Variants in SRPRA observed in about 807,000 individuals in gnomAD.
SRPRA encodes signal recognition particle receptor subunit alpha.
Under a neutral mutation model 61.1 loss-of-function variants are expected in SRPRA, and 30 were observed. The ratio of observed to expected loss-of-function variants is 0.49; its 90% confidence interval spans 0.37 to 0.67. The LOEUF is 0.67. Ranked by LOEUF, SRPRA falls within the 30% of genes least tolerant of loss-of-function variation. The pLI is 0.00. For synonymous variants in SRPRA, 324 were observed against 299.7 expected (o/e 1.08, Z -0.84); for missense variants, 759 against 828.4 (o/e 0.92, Z 1.03).
Position 126,265,345 on chromosome 11 carries a change from C to A in SRPRA, c.1234G>T (p.Ala412Ser). Reference protein sequence around the residue: ...RVDMLRDIMDAQRRQRPYVVT... With the variant: ...RVDMLRDIMDSQRRQRPYVVT... ...ACATAAGGGCGCTGGCGACGCTGGG[C>A]ATCCATGATGTCCCGGAGCATGTCT... Residue 412 changes from alanine (A) to serine (S), a missense_variant, in exon 10 of 14, where the codon GCC becomes TCC. By Grantham distance (99) the Ala-to-Ser change is moderately conservative (BLOSUM62 1). Coordinates refer to ENST00000332118, the MANE Select transcript of SRPRA (RefSeq NM_003139.4). This position sits in a 1 kb window ranked among gnomAD's most constrained non-coding sequence, Gnocchi z 6.3. The A allele has an allele frequency of 6.8e-6, 11 of 1,613,502 alleles. No homozygotes were observed. The highest frequency in any genetic ancestry group is 9.3e-6 in the Non-Finnish European group (11 of 1,179,894).
At chr11:126,252,928 G>C in the SRPRA span, among the ~76,000 whole-genome samples, 1 of 152,124 alleles carries the variant, frequency 6.6e-6, no homozygotes, top group African/African-American at 2.4e-5. This position sits in a 1 kb window ranked among gnomAD's most constrained non-coding sequence, Gnocchi z 4.7. Context: ...CCAGTTACTT[G>C]GGAGGCTGAG....
chr11:126,264,559 A>C lies in SRPRA; in HGVS notation c.1526-20T>G. 6.2e-7 allele frequency: 1 copy of C among 1,611,216 alleles called. No homozygotes were observed. The highest frequency in any genetic ancestry group is 8.5e-7 in the Non-Finnish European group (1 of 1,179,530). On this transcript the variant is annotated intron_variant, in intron 11 of 13. Coordinates refer to ENST00000332118, the MANE Select transcript of SRPRA (RefSeq NM_003139.4). The surrounding 1 kb of genome is among the most constrained non-coding windows in gnomAD (Gnocchi z 5.0). ...TACGTGCTAGAGAAAGAAAGTAGTCAACTCTGAACACCTGGACTACCACTC... is the reference window on the plus strand; with the variant it reads ...TACGTGCTAGAGAAAGAAAGTAGTCCACTCTGAACACCTGGACTACCACTC...
intron 7 of SRPRA, 45 bp downstream of exon 7, chr11:126,266,142 A>G (rs773103438): frequency 6.2e-7 from 1 of 1,612,728 alleles, no homozygotes; most frequent in East Asian, 2.2e-5. Flanking sequence ...GTATCTTACC[A>G]GTTTTGCAGA....
intron 6 of SRPRA, 43 bp downstream of exon 6, chr11:126,266,433 C>T: frequency 6.2e-7 from 1 of 1,603,906 alleles, no homozygotes; most frequent in Non-Finnish European, 8.5e-7. Flanking sequence ...TACTTCCTCC[C>T]AATTTGTTGT....
chr11:126,260,299 C>G (rs1336628461), downstream of SRPRA: 2 of 152,120 alleles, frequency 1.3e-5, no homozygotes, highest in African/African-American at 2.4e-5. Flanking sequence ...TCCCAAAGTT[C>G]TGGGATTATA....
the SRPRA span, among the ~76,000 whole-genome samples, chr11:126,255,662 C>A: frequency 6.6e-6 from 1 of 152,254 alleles, no homozygotes; most frequent in Admixed American, 6.5e-5. The surrounding 1 kb of genome is among the most constrained non-coding windows in gnomAD (Gnocchi z 4.6). Flanking sequence ...TGCACAATGA[C>A]CTCTGGGCAC....
chr11:126,266,859 C>T lies in SRPRA; in HGVS notation c.590G>A (p.Gly197Asp), dbSNP rs370762702. The T allele has an allele frequency of 1.9e-6, 3 of 1,614,214 alleles. No individual in the cohort carries two copies. Among genetic ancestry groups the T allele is most frequent in the East Asian group, 4.5e-5 (2 of 44,888 alleles). The change falls in exon 5 of 14, where the codon GGT becomes GAT. Residue 197 changes from glycine (G) to aspartate (D), a missense_variant. Physicochemically the swap from Gly to Asp is moderately conservative, Grantham distance 94. Coordinates refer to ENST00000332118, the MANE Select transcript of SRPRA (RefSeq NM_003139.4). Reference protein sequence around the residue: ...VPAEKSGLPVGPENGVELSKE... With the variant: ...VPAEKSGLPVDPENGVELSKE... ...GGAAAGTTCTACTCCGTTCTCAGGA[C>T]CCACTGGAAGACCTGACTTTTCTGC...
At position 126,265,714 on chromosome 11, in the gene SRPRA, T is replaced by C. The variant is rs988817600; in HGVS notation, c.1138+23A>G. On this transcript the variant is annotated intron_variant, in intron 9 of 13. Coordinates refer to ENST00000332118, the MANE Select transcript of SRPRA (RefSeq NM_003139.4). The surrounding 1 kb of genome is among the most constrained non-coding windows in gnomAD (Gnocchi z 6.3). Reference sequence around the variant, plus strand: ...TGCACTTAACCTACACATAAGCACTTTCTCACTTAGGTAAGTACTTACTGC... The same window carrying C: ...TGCACTTAACCTACACATAAGCACTCTCTCACTTAGGTAAGTACTTACTGC... 1.2e-6 allele frequency: 2 copies of C among 1,613,400 alleles called. No individual in the cohort carries two copies. Among genetic ancestry groups the C allele is most frequent in the Non-Finnish European group, 1.7e-6 (2 of 1,179,344 alleles).
chr11:126,237,680 T>TAAAA, the SRPRA span, among the ~76,000 whole-genome samples: 1 of 85,908 alleles, frequency 1.2e-5, no homozygotes, highest in Non-Finnish European at 2.2e-5. Context: ...CTGTCTCTAC[T>TAAAA]AAAAAAAAAA....
At chr11:126,256,525 T>C in the SRPRA span, 16 of 1,587,936 alleles carry the variant, frequency 1.0e-5, no homozygotes, top group Middle Eastern at 1.7e-4. The surrounding 1 kb of genome is among the most constrained non-coding windows in gnomAD (Gnocchi z 6.6). Context: ...TTGCCTTGAG[T>C]GTGTCTTCAC....
chr11:126,262,270 AG>A, downstream of SRPRA: 1 of 814,468 alleles, frequency 1.2e-6, no homozygotes, highest in Non-Finnish European at 2.0e-6. Flanking sequence ...GCGGGGTAGA[AG>A]AGGGGGGAAT....
the SRPRA span, among the ~76,000 whole-genome samples, chr11:126,241,454 T>C: frequency 3.3e-5 from 5 of 152,222 alleles, no homozygotes; most frequent in Non-Finnish European, 7.3e-5. Flanking sequence ...TTTTTAGAGG[T>C]AATAAGTCAA....
At position 126,266,001 on chromosome 11, in the gene SRPRA, A is replaced by C; in HGVS notation, c.1013T>G (p.Met338Arg). The C allele has an allele frequency of 6.2e-7, 1 of 1,614,178 alleles. No homozygotes were observed. The highest frequency in any genetic ancestry group is 8.5e-7 in the Non-Finnish European group (1 of 1,180,036). Reference protein sequence around the residue: ...VGSKSLSREDMESVLDKMRDH... With the variant: ...VGSKSLSREDRESVLDKMRDH... ...ACGCATCTTGTCCAGCACAGATTCC[A>C]TGTCTTCACGACTCAAGCTCTTTGA... Residue 338 changes from methionine (M) to arginine (R), a missense_variant, in exon 8 of 14, where the codon ATG becomes AGG. This residue lies in a region of SRPRA where 475 missense variants were observed against 462.5 expected (regional missense o/e 1.03). Transcript: ENST00000332118.
chr11:126,265,139 C>A lies in SRPRA; in HGVS notation c.1345G>T (p.Val449Phe). Reference protein sequence around the residue: ...SFWLLENGFSVLIAACDTFRA... With the variant: ...SFWLLENGFSFLIAACDTFRA... ...AATGTATCACAGGCAGCAATGAGGACACTGAAGCCATTCTCTAACAACCAG... is the reference window on the plus strand; with the variant it reads ...AATGTATCACAGGCAGCAATGAGGAAACTGAAGCCATTCTCTAACAACCAG... The change falls in exon 11 of 14, where the codon GTC becomes TTC. Residue 449 changes from valine to phenylalanine, a missense_variant. Physicochemically the swap from Val to Phe is conservative, Grantham distance 50. Transcript: ENST00000332118. The surrounding 1 kb of genome is among the most constrained non-coding windows in gnomAD (Gnocchi z 6.3). 1 of 1,614,176 alleles carries A rather than the reference C, an allele frequency of 6.2e-7. No individual in the cohort carries two copies. The highest frequency in any genetic ancestry group is 8.5e-7 in the Non-Finnish European group (1 of 1,180,044).
At position 126,265,068 on chromosome 11, in the gene SRPRA, C is replaced by CA. The variant is rs1950779080; in HGVS notation, c.1415dup (p.Leu472PhefsTer20). Reference sequence around the variant, plus strand: ...GCTTCTCTGGAGGGTGTAGGGCACTCAAACGCCGGGTGTGTGTACGCAGCT... The same window carrying CA: ...GCTTCTCTGGAGGGTGTAGGGCACTCAAAACGCCGGGTGTGTGTACGCAGCT... On this transcript the variant is annotated frameshift_variant, in exon 11 of 14. Coordinates refer to ENST00000332118, the MANE Select transcript of SRPRA (RefSeq NM_003139.4). LOFTEE classifies it high-confidence loss of function. This position sits in a 1 kb window ranked among gnomAD's most constrained non-coding sequence, Gnocchi z 6.3. 6.2e-7 allele frequency: 1 copy of CA among 1,614,166 alleles called. No homozygotes were observed. The highest frequency in any genetic ancestry group is 1.1e-5 in the South Asian group (1 of 91,080).
downstream of SRPRA, chr11:126,261,624 C>G: frequency 1.5e-6 from 1 of 648,380 alleles, no homozygotes; most frequent in Non-Finnish European, 2.7e-6. Flanking sequence ...ATTTTCCTCT[C>G]CTACCCATTA....
At chr11:126,262,311 T>A (rs1024858950), downstream of SRPRA, 5 of 635,294 alleles carry the variant, frequency 7.9e-6, no homozygotes, top group African/African-American at 7.4e-5. Context: ...TACCACCTGG[T>A]TCTTGATATT....
rs2135245518 is a variant in SRPRA, at chr11:126,268,090, G to C, written c.118-4C>G. The C allele has an allele frequency of 1.2e-6, 2 of 1,613,764 alleles. No homozygotes were observed. Among genetic ancestry groups the C allele is most frequent in the Non-Finnish European group, 1.7e-6 (2 of 1,179,768 alleles). ...AGGAGTTGTTACCTCCCCGTTCCTGGAGAAAGAGTATGTCTCAGTGTTCAG... is the reference window on the plus strand; with the variant it reads ...AGGAGTTGTTACCTCCCCGTTCCTGCAGAAAGAGTATGTCTCAGTGTTCAG... On this transcript the variant is annotated splice_region_variant and splice_polypyrimidine_tract_variant and intron_variant, in intron 1 of 13. Coordinates refer to ENST00000332118, the MANE Select transcript of SRPRA (RefSeq NM_003139.4).
chr11:126,268,637 G>T, intron 1 of SRPRA, 51 bp downstream of exon 1: 1 of 1,493,842 alleles, frequency 6.7e-7, no homozygotes, highest in Non-Finnish European at 9.3e-7. Flanking sequence ...GGGGACCATG[G>T]ATCGGGTCAG....
Sources: allele counts gnomAD v4.1 joint callset (sites outside exome capture counted in the v4.1 genomes callset), GRCh38; gene constraint gnomAD v4.1.1; regional missense constraint gnomAD v4.1.1; non-coding constraint Gnocchi (gnomAD v3.1); transcripts MANE v1.5; gene names NCBI Gene and HGNC (gene_info 2026-07-23, HGNC 2026-07-21).